RBFOX1: variants seen among roughly 807,000 people sequenced by gnomAD.
RBFOX1 encodes the protein RNA binding protein fox-1 homolog 1.
A neutral mutation model predicts 57.7 loss-of-function variants in RBFOX1; 8 were observed. The ratio of observed to expected loss-of-function variants is 0.14; its 90% CI spans 0.08 to 0.25. RBFOX1 has a LOEUF of 0.25. Among genes scored for constraint, RBFOX1 ranks in the 10% least tolerant of loss-of-function variants. The pLI, the probability that RBFOX1 is intolerant of heterozygous loss-of-function variation, is 1.00. For synonymous variants in RBFOX1, 326 were observed against 222.4 expected, an observed-to-expected ratio of 1.47 and a Z score of -4.15; for missense variants, 611 against 548.5, an observed-to-expected ratio of 1.11 and a Z score of -1.14.
chr16:6,483,806 C>G (rs1452393074), intron 2 of RBFOX1: 2 of 1,366,640 alleles, frequency 1.5e-6, no homozygotes, highest in African/African-American at 2.9e-5. Flanking sequence ...GCGTGTGCGC[C>G]TCCGGGGCTG....
chr16:6,598,502 G>A (rs961195934), intron 2 of RBFOX1, among the ~76,000 whole-genome samples: 3 of 152,186 alleles, frequency 2.0e-5, no homozygotes, highest in Non-Finnish European at 4.4e-5. Context: ...GAGGACGTCA[G>A]ACCGATATAT....
chr16:7,064,083 G>T (rs1028023616), intron 4 of RBFOX1, among the ~76,000 whole-genome samples: 1 of 151,320 alleles, frequency 6.6e-6, no homozygotes, highest in Non-Finnish European at 1.5e-5. Flanking sequence ...GACTGTACTT[G>T]AAGCTAAGGT....
chr16:7,365,964 T>C (rs147695347), intron 4 of RBFOX1, among the ~76,000 whole-genome samples: 498 of 152,258 alleles, frequency 3.3e-3, no homozygotes, highest in Admixed American at 4.4e-3. Context: ...TGGCTGCTAA[T>C]AGAAGGTGGG....
At chr16:5,521,779 C>T (rs1366894408) in intron 2 of RBFOX1, among the ~76,000 whole-genome samples, 1 of 152,240 alleles carries the variant, frequency 6.6e-6, no homozygotes, top group Non-Finnish European at 1.5e-5. Context: ...TCATTTCAAA[C>T]TGCACTGCAA....
chr16:7,363,593 G>A (rs1473864115), intron 4 of RBFOX1, among the ~76,000 whole-genome samples: 1 of 152,086 alleles, frequency 6.6e-6, no homozygotes, highest in Non-Finnish European at 1.5e-5. Flanking sequence ...GCAGTGTGCC[G>A]AGCAGCTGGG....
intron 3 of RBFOX1, among the ~76,000 whole-genome samples, chr16:6,676,673 C>CTTTTTTTTTTTTT (rs756578276): frequency 9.7e-6 from 1 of 103,550 alleles, no homozygotes; most frequent in African/African-American, 3.6e-5. Flanking sequence ...TTTTTCTTTT[C>CTTTTTTTTTTTTT]TTTTTTTTTT....
chr16:7,655,636 CAA>C (rs2066126271), intron 12 of RBFOX1, among the ~76,000 whole-genome samples: 1 of 152,150 alleles, frequency 6.6e-6, no homozygotes, highest in South Asian at 2.1e-4. Flanking sequence ...AAGAAAATCC[CAA>C]GTTACCTTTG....
At chr16:7,335,355 A>G (rs931103946) in intron 4 of RBFOX1, among the ~76,000 whole-genome samples, 1 of 152,218 alleles carries the variant, frequency 6.6e-6, no homozygotes, top group Non-Finnish European at 1.5e-5. Context: ...ATGAGCCAAA[A>G]TAAACCATGT....
At chr16:7,053,567 ATAT>A (rs1412537621) in intron 4 of RBFOX1, among the ~76,000 whole-genome samples, 1 of 152,226 alleles carries the variant, frequency 6.6e-6, no homozygotes, top group Non-Finnish European at 1.5e-5. Flanking sequence ...AATTAAGATA[ATAT>A]TGAAATCTCT....
At chr16:5,589,664 G>A (rs928158810) in intron 2 of RBFOX1, among the ~76,000 whole-genome samples, 3 of 152,196 alleles carry the variant, frequency 2.0e-5, no homozygotes, top group Non-Finnish European at 4.4e-5. Context: ...CTTTGGCAAA[G>A]TCCATAATGG....
rs577683735 is a variant in RBFOX1, at chr16:5,664,876, C to T, written c.318+65915C>T. ...CATGGCCTTGATCCTGTGTAGAAGG[C>T]CCTGCACACTTGGCCTCCTGCCCAC... On this transcript the variant is annotated intron_variant, in intron 3 of 19. Transcript: ENST00000641259. Among the ~76,000 whole-genome samples, 8 of 152,208 alleles carry T rather than the reference C, an allele frequency of 5.3e-5. No individual in the cohort carries two copies. In the South Asian group the frequency reaches 1.7e-3, roughly 32 times the overall value.
chr16:7,126,348 G>T lies in RBFOX1; in HGVS notation c.27+74250G>T, dbSNP rs1257780412. 6 of 263,802 alleles carry T rather than the reference G, an allele frequency of 2.3e-5. No homozygotes were observed. In the South Asian group the frequency reaches 3.0e-4, roughly 13 times the overall value. 16.3% of individuals were successfully genotyped at this position (263,802 alleles called of 1,614,324 possible). On this transcript the variant is annotated intron_variant, in intron 4 of 15. Coordinates refer to ENST00000550418, the MANE Select transcript of RBFOX1 (RefSeq NM_018723.4). ...AGCACCCGCAGGTCTAAATCGAGGTGGGGGTTTTTGGTCCCTGTGGGGTTC... is the reference window on the plus strand; with the variant it reads ...AGCACCCGCAGGTCTAAATCGAGGTTGGGGTTTTTGGTCCCTGTGGGGTTC...
intron 14 of RBFOX1, among the ~76,000 whole-genome samples, chr16:7,688,920 C>T (rs1307927088): frequency 3.3e-5 from 5 of 152,054 alleles, no homozygotes; most frequent in South Asian, 2.1e-4. Flanking sequence ...TCACACCTCA[C>T]TGCTGATTAA....
At chr16:7,567,476 T>C (rs571519636) in intron 5 of RBFOX1, among the ~76,000 whole-genome samples, 25 of 53,642 alleles carry the variant, frequency 4.7e-4, no homozygotes, top group African/African-American at 1.3e-3. Context: ...TATATATCCC[T>C]ATGTATGGCC....
intron 4 of RBFOX1, among the ~76,000 whole-genome samples, chr16:7,265,794 C>T (rs893356736): frequency 6.6e-5 from 10 of 151,802 alleles, no homozygotes; most frequent in South Asian, 2.1e-4. Flanking sequence ...GGAGGGATTA[C>T]CTTTGATATA....
intron 14 of RBFOX1, among the ~76,000 whole-genome samples, chr16:7,696,388 G>C (rs908898568): frequency 1.3e-5 from 2 of 152,130 alleles, no homozygotes; most frequent in African/African-American, 2.4e-5. Flanking sequence ...ATGGTGAAAA[G>C]GGAGTAAATG....
At chr16:7,428,787 A>C (rs2098649229) in intron 4 of RBFOX1, among the ~76,000 whole-genome samples, 2 of 151,926 alleles carry the variant, frequency 1.3e-5, no homozygotes, top group Admixed American at 1.3e-4. Flanking sequence ...TTTGGCTTTG[A>C]GGGCAATTCA....
At chr16:6,917,811 C>T (rs143711695) in intron 3 of RBFOX1, among the ~76,000 whole-genome samples, 13 of 152,244 alleles carry the variant, frequency 8.5e-5, no homozygotes, top group Non-Finnish European at 1.5e-4. Flanking sequence ...TCAGCTGCCT[C>T]TTAGAGAACA....
intron 3 of RBFOX1, among the ~76,000 whole-genome samples, chr16:6,854,622 T>C (rs895846265): frequency 3.6e-4 from 47 of 129,100 alleles, no homozygotes; most frequent in African/African-American, 1.5e-3. Context: ...TGAGACTGAG[T>C]CTCGCTGTTT....
Sources: gnomAD v4.1 joint callset for allele counts (sites outside exome capture counted in the v4.1 genomes callset) on GRCh38, gnomAD v4.1.1 for gene constraint, MANE v1.5 for transcripts, NCBI Gene and HGNC (gene_info 2026-07-23, HGNC 2026-07-21) for gene names.